The following C12orf42 variants were observed in gnomAD, a reference collection of about 807,000 sequenced individuals.
C12orf42 encodes uncharacterized protein C12orf42.
In C12orf42, 25 loss-of-function variants were observed where a neutral mutation model predicts 21.6. The observed-to-expected ratio is 1.16, with a 90% CI of 0.84 to 1.62. The LOEUF (loss-of-function observed/expected upper bound fraction) is 1.62. Ranked by LOEUF, C12orf42 falls within the 40% of genes most tolerant of loss-of-function variation. The pLI, the probability that C12orf42 is intolerant of heterozygous loss-of-function variation, is 0.00. For missense variants in C12orf42, 483 were observed against 459.3 expected, an observed-to-expected ratio of 1.05 and a Z score of -0.47; for synonymous variants, 174 against 175.0, an observed-to-expected ratio of 0.99 and a Z score of 0.05.
At position 103,438,752 on chromosome 12, in the gene C12orf42, C is replaced by A. The variant is rs762681544; in HGVS notation, c.79-37077G>T. On this transcript the variant is annotated intron_variant, in intron 2 of 5. Transcript: ENST00000548883. ...ACTACAAACCACTGCTCAAGGAAATCAAAGAGGATACAAACAAATGGAAGA... is the reference window on the plus strand; with the variant it reads ...ACTACAAACCACTGCTCAAGGAAATAAAAGAGGATACAAACAAATGGAAGA... Among the ~76,000 whole-genome samples the A allele has an allele frequency of 3.3e-3, 497 of 151,850 alleles. 4 individuals are homozygous for A. The highest frequency in any genetic ancestry group is 0.017 in the Middle Eastern group (5 of 294).
At chr12:103,490,584 T>TTCTGTTTTACA (rs1309982028) in intron 1 of C12orf42, among the ~76,000 whole-genome samples, 1 of 152,070 alleles carries the variant, frequency 6.6e-6, no homozygotes, top group African/African-American at 2.4e-5. Context: ...TGCCACTTAT[T>TTCTGTTTTACA]TCTGTTTTAC....
intron 4 of C12orf42, among the ~76,000 whole-genome samples, chr12:103,310,438 T>C (rs1232773344): frequency 2.0e-5 from 3 of 152,214 alleles, no homozygotes; most frequent in Admixed American, 6.5e-5. Context: ...AGCAGAAATA[T>C]GTATTTTTAT....
the C12orf42 span, among the ~76,000 whole-genome samples, chr12:103,209,294 A>T: frequency 6.6e-6 from 1 of 152,234 alleles, no homozygotes; most frequent in Non-Finnish European, 1.5e-5. Flanking sequence ...CTCAAATGTC[A>T]ATAGTTTCCA....
At chr12:103,488,928 C>A (rs748387586) in intron 1 of C12orf42, among the ~76,000 whole-genome samples, 1 of 152,070 alleles carries the variant, frequency 6.6e-6, no homozygotes, top group Non-Finnish European at 1.5e-5. Flanking sequence ...TTATTAAAGA[C>A]CTTCTGAAGC....
chr12:103,393,628 A>G (rs1018219762), intron 3 of C12orf42, among the ~76,000 whole-genome samples: 3 of 152,110 alleles, frequency 2.0e-5, no homozygotes, highest in African/African-American at 7.2e-5. Context: ...TGGACCATCA[A>G]TTTATTGTCT....
chr12:103,322,008 A>G (rs1231676810), intron 4 of C12orf42, among the ~76,000 whole-genome samples: 1 of 152,172 alleles, frequency 6.6e-6, no homozygotes, highest in East Asian at 1.9e-4. Context: ...TAAAACTTAA[A>G]GTATAATAAT....
chr12:103,260,023 C>T lies in C12orf42; in HGVS notation c.*1366+3303G>A, dbSNP rs149439326. On this transcript the variant is annotated intron_variant and NMD_transcript_variant, in intron 10 of 10. Coordinates refer to the C12orf42 transcript ENST00000547347. Reference sequence around the variant, plus strand: ...TCCTGAGCTCTTAAAAGCTACTCCACAATGTCTCTCTATAAAATATTGTCA... The same window carrying T: ...TCCTGAGCTCTTAAAAGCTACTCCATAATGTCTCTCTATAAAATATTGTCA... 3.3e-5 allele frequency among the ~76,000 whole-genome samples: 5 copies of T among 152,246 alleles called. No individual in the cohort carries two copies. In the East Asian group the frequency reaches 9.6e-4, roughly 29 times the overall value.
At chr12:103,217,344 C>T in the C12orf42 span, among the ~76,000 whole-genome samples, 1 of 152,038 alleles carries the variant, frequency 6.6e-6, no homozygotes, top group Non-Finnish European at 1.5e-5. Context: ...TAGCAAGACC[C>T]TGTCTTTACA....
chr12:103,216,242 G>T, the C12orf42 span, among the ~76,000 whole-genome samples: 2 of 152,200 alleles, frequency 1.3e-5, no homozygotes, highest in African/African-American at 4.8e-5. Context: ...CAGCTCTAGG[G>T]AGTATGGATT....
chr12:103,322,733 C>T (rs2040304707), intron 4 of C12orf42, among the ~76,000 whole-genome samples: 2 of 152,162 alleles, frequency 1.3e-5, no homozygotes, highest in Admixed American at 6.5e-5. Flanking sequence ...AAACTGGTCT[C>T]ACCACCACAA....
chr12:103,480,020 C>T (rs914727789), intron 1 of C12orf42, among the ~76,000 whole-genome samples: 1 of 151,794 alleles, frequency 6.6e-6, no homozygotes, highest in African/African-American at 2.4e-5. Context: ...AAATTACTTG[C>T]CCCTTAAATA....
At chr12:103,183,156 ACTGAAACCT>A in the C12orf42 span, among the ~76,000 whole-genome samples, 3 of 152,212 alleles carry the variant, frequency 2.0e-5, no homozygotes, top group Admixed American at 6.5e-5. Flanking sequence ...TTCTCAGTTC[ACTGAAACCT>A]CTGCCACCCA....
At chr12:103,336,258 C>CT (rs1158781574) in intron 4 of C12orf42, among the ~76,000 whole-genome samples, 1 of 152,156 alleles carries the variant, frequency 6.6e-6, no homozygotes, top group Non-Finnish European at 1.5e-5. Flanking sequence ...TATTTATAGT[C>CT]TTTATGTCTT....
chr12:103,327,589 G>A (rs2040829214), intron 4 of C12orf42, among the ~76,000 whole-genome samples: 1 of 152,184 alleles, frequency 6.6e-6, no homozygotes, highest in South Asian at 2.1e-4. Context: ...TCTAGTCTCT[G>A]TTGCTCTAGA....
intron 3 of C12orf42, among the ~76,000 whole-genome samples, chr12:103,382,090 T>C (rs2046230196): frequency 1.3e-5 from 2 of 152,174 alleles, no homozygotes; most frequent in South Asian, 4.1e-4. Flanking sequence ...ATATATACAA[T>C]TGAGAACTGT....
In C12orf42 at chr12:103,478,307, A is replaced by C. The variant is rs1419475821; in HGVS notation, c.78+42T>G. On this transcript the variant is annotated intron_variant, in intron 2 of 5. Transcript: ENST00000548883. ...TGGCTGAAATGGAGCAAACCTATTA[A>C]CCTAAAAAAAGTAAGAAAATATAGT... 4.5e-6 allele frequency: 6 copies of C among 1,331,900 alleles called. No individual in the cohort carries two copies. In the African/African-American group the frequency reaches 8.7e-5, roughly 19 times the overall value. The allele number at this position is 1,331,900 out of a possible 1,614,324, so 82.5% of individuals were successfully genotyped here.
At chr12:103,133,750 G>A in the C12orf42 span, among the ~76,000 whole-genome samples, 6 of 152,188 alleles carry the variant, frequency 3.9e-5, no homozygotes, top group African/African-American at 9.7e-5. Flanking sequence ...TAATCCCCAC[G>A]TGTGGTGGAA....
At chr12:103,388,515 A>G (rs964440441) in intron 3 of C12orf42, among the ~76,000 whole-genome samples, 9 of 152,158 alleles carry the variant, frequency 5.9e-5, no homozygotes, top group East Asian at 3.9e-4. Flanking sequence ...TGAAAATGGG[A>G]TTCTACTGCA....
intron 2 of C12orf42, among the ~76,000 whole-genome samples, chr12:103,415,436 G>C (rs1015106620): frequency 6.6e-6 from 1 of 152,112 alleles, no homozygotes; most frequent in African/African-American, 2.4e-5. Flanking sequence ...GGACTTAATA[G>C]ACATTTAGAG....
Sources: gnomAD v4.1 joint callset for allele counts (sites outside exome capture counted in the v4.1 genomes callset) on GRCh38, gnomAD v4.1.1 for gene constraint, MANE v1.5 for transcripts, NCBI Gene and HGNC (gene_info 2026-07-23, HGNC 2026-07-21) for gene names.